The following PCDH17 variants were observed in gnomAD, a reference collection of about 807,000 sequenced individuals.
PCDH17 encodes protocadherin 17, also known as protocadherin-17.
Under a neutral mutation model 67.7 loss-of-function variants are expected in PCDH17, and 21 were observed. That is an observed-to-expected ratio of 0.31 (90% confidence interval 0.22 to 0.45). The LOEUF (loss-of-function observed/expected upper bound fraction) is 0.45, where lower values mean the gene tolerates loss of function less well. Ranked by LOEUF, PCDH17 falls within the 20% of genes least tolerant of loss-of-function variation. PCDH17 has a pLI of 1.00. For synonymous variants in PCDH17, 701 were observed against 656.7 expected (o/e 1.07, Z -1.03); for missense variants, 1,471 against 1,564.8 (o/e 0.94, Z 1.01).
In PCDH17 at chr13:57,687,942, C is replaced by G. The variant is rs187763118; in HGVS notation, c.2797+21109C>G. ...TTCAAACATTTTCAGGATAGTTGGA[C>G]TCCTGTGAGACAATTTAGTCTAGAT... On this transcript the variant is annotated intron_variant, in intron 3 of 3. Coordinates refer to ENST00000377918, the MANE Select transcript of PCDH17 (RefSeq NM_001040429.3). Among the ~76,000 whole-genome samples the G allele has an allele frequency of 2.1e-3, 316 of 152,132 alleles. 3 individuals carry two copies. Among genetic ancestry groups the G allele is most frequent in the African/African-American group, 7.5e-3 (312 of 41,552 alleles).
At chr13:57,679,701 G>T (rs549037778) in intron 3 of PCDH17, among the ~76,000 whole-genome samples, 1 of 151,166 alleles carries the variant, frequency 6.6e-6, no homozygotes, top group Admixed American at 6.6e-5. Context: ...TTGAATTACC[G>T]TGTTCATTAC....
At chr13:57,709,109 A>AT (rs1955749472) in intron 3 of PCDH17, among the ~76,000 whole-genome samples, 1 of 135,980 alleles carries the variant, frequency 7.4e-6, no homozygotes, top group East Asian at 2.8e-4. Flanking sequence ...TATATGTATA[A>AT]AATATATATA....
intron 3 of PCDH17, among the ~76,000 whole-genome samples, chr13:57,682,958 A>G (rs1304855513): frequency 6.6e-6 from 1 of 151,904 alleles, no homozygotes; most frequent in African/African-American, 2.4e-5. Context: ...AACTTACCTC[A>G]GGGAACATAC....
chr13:57,684,326 A>G (rs886372192), intron 3 of PCDH17, among the ~76,000 whole-genome samples: 1 of 151,946 alleles, frequency 6.6e-6, no homozygotes, highest in Non-Finnish European at 1.5e-5. Context: ...ACATTCACAT[A>G]TATATAAACA....
chr13:57,685,826 C>T (rs2138054731), intron 3 of PCDH17, among the ~76,000 whole-genome samples: 1 of 152,082 alleles, frequency 6.6e-6, no homozygotes, highest in East Asian at 2.0e-4. Context: ...TGGCTTTTGC[C>T]TGTAATCCCA....
Position 57,633,964 on chromosome 13 carries a change from C to A in PCDH17, c.1418C>A (p.Thr473Asn), listed in dbSNP as rs201009234. 1 of 1,613,636 alleles carries A rather than the reference C, an allele frequency of 6.2e-7. No individual in the cohort carries two copies. Reference protein sequence around the residue: ...LDENDNPPRFTKGLYVLQVHE... With the variant: ...LDENDNPPRFNKGLYVLQVHE... The stretch of plus-strand genomic sequence containing the variant: ...GAGAACGACAACCCGCCTCGGTTCA[C>A]CAAAGGGCTCTACGTGCTTCAGGTG... The change falls in exon 1 of 4, where the codon ACC becomes AAC. Residue 473 changes from threonine (T) to asparagine (N), a missense_variant. This residue lies in a region of PCDH17 where 1,163 missense variants were observed against 1,230.0 expected (regional missense o/e 0.95). Transcript: ENST00000377918. The surrounding 1 kb of genome is among the most constrained non-coding windows in gnomAD (Gnocchi z 6.2).
At chr13:57,657,524 A>G (rs534131961) in intron 1 of PCDH17, among the ~76,000 whole-genome samples, 38 of 152,314 alleles carry the variant, frequency 2.5e-4, no homozygotes, top group African/African-American at 8.4e-4. Flanking sequence ...AGAAAGAACC[A>G]CACCATATAT....
intron 3 of PCDH17, among the ~76,000 whole-genome samples, chr13:57,698,970 G>C (rs61961901): frequency 0.063 from 9,637 of 151,956 alleles, 341 homozygotes; most frequent in Middle Eastern, 0.099. Context: ...TCTTTTTTCA[G>C]CCACTCTGAT....
chr13:57,662,457 T>C (rs1276992128), intron 1 of PCDH17, among the ~76,000 whole-genome samples: 1 of 152,166 alleles, frequency 6.6e-6, no homozygotes, highest in East Asian at 1.9e-4. Context: ...ATCCTATACA[T>C]TTTAAAAAAT....
rs534680573 is a variant in PCDH17 at position 57,659,677 on chromosome 13, T to C, written c.2566-6791T>C. ...CAGAGGCTAACCGTTTTGTATTACATGTTTTTTAAGTTTTTACAAAGTATG... is the reference window on the plus strand; with the variant it reads ...CAGAGGCTAACCGTTTTGTATTACACGTTTTTTAAGTTTTTACAAAGTATG... On this transcript the variant is annotated intron_variant, in intron 1 of 3. Transcript: ENST00000377918. Among the ~76,000 whole-genome samples, 32 of 152,318 alleles carry C rather than the reference T, an allele frequency of 2.1e-4. No individual in the cohort carries two copies. In the South Asian group the frequency reaches 6.4e-3, roughly 31 times the overall value.
intron 3 of PCDH17, among the ~76,000 whole-genome samples, chr13:57,681,764 C>T (rs973730752): frequency 4.0e-5 from 6 of 151,774 alleles, no homozygotes; most frequent in African/African-American, 1.4e-4. Context: ...TCTATCTCCC[C>T]ATTCAGTGCC....
chr13:57,656,971 A>T (rs1435584540), intron 1 of PCDH17, among the ~76,000 whole-genome samples: 1 of 152,156 alleles, frequency 6.6e-6, no homozygotes, highest in African/African-American at 2.4e-5. Context: ...TCTCTATTTT[A>T]TGCGCTTTCA....
chr13:57,679,116 A>T (rs1363969194), intron 3 of PCDH17, among the ~76,000 whole-genome samples: 1 of 151,528 alleles, frequency 6.6e-6, no homozygotes, highest in Non-Finnish European at 1.5e-5. Context: ...TCACCAAAAA[A>T]GTAACAAAGT....
chr13:57,695,864 G>T (rs74079932), intron 3 of PCDH17, among the ~76,000 whole-genome samples: 283 of 151,454 alleles, frequency 1.9e-3, no homozygotes, highest in African/African-American at 6.4e-3. Context: ...TCTTGTAATT[G>T]AAAGTCTCTG....
At chr13:57,676,943 C>A (rs570367724) in intron 3 of PCDH17, among the ~76,000 whole-genome samples, 1 of 151,970 alleles carries the variant, frequency 6.6e-6, no homozygotes. Context: ...CAATGTATAA[C>A]TTTTCAAGCT....
In PCDH17 at chr13:57,634,632, A is replaced by G. The variant is rs1303843410; in HGVS notation, c.2086A>G (p.Asn696Asp). ...CCTTCCCGAGGGGGTACCACGGGTG[A>G]ATGGCGAGCAGCACCACTGGGACAT... Reference protein sequence around the residue: ...GSLPEGVPRVNGEQHHWDMSL... With the variant: ...GSLPEGVPRVDGEQHHWDMSL... The change falls in exon 1 of 4, where the codon AAT (asparagine) becomes GAT (aspartate). Residue 696 changes from asparagine (N) to aspartate (D), a missense_variant. By Grantham distance (23) the Asn-to-Asp change is conservative. Coordinates refer to ENST00000377918, the MANE Select transcript of PCDH17 (RefSeq NM_001040429.3). The surrounding 1 kb of genome is among the most constrained non-coding windows in gnomAD (Gnocchi z 7.8). The G allele has an allele frequency of 1.9e-6, 3 of 1,613,258 alleles. No individual in the cohort carries two copies. The highest frequency in any genetic ancestry group is 2.5e-6 in the Non-Finnish European group (3 of 1,179,990).
upstream of PCDH17, among the ~76,000 whole-genome samples, chr13:57,631,638 C>G (rs1954721709): frequency 6.6e-6 from 1 of 152,166 alleles, no homozygotes; most frequent in African/African-American, 2.4e-5. Context: ...AAATGCTGAT[C>G]AGGCTGTGGC....
At chr13:57,630,660 G>A (rs74936267), upstream of PCDH17, among the ~76,000 whole-genome samples, 2 of 152,218 alleles carry the variant, frequency 1.3e-5, no homozygotes, top group Non-Finnish European at 2.9e-5. Flanking sequence ...TAGAGTAAAA[G>A]TGCTGCTAGA....
At chr13:57,636,765 C>A (rs1252560903) in intron 1 of PCDH17, among the ~76,000 whole-genome samples, 1 of 152,114 alleles carries the variant, frequency 6.6e-6, no homozygotes, top group Admixed American at 6.5e-5. Flanking sequence ...TTGCTACAGT[C>A]ATTTTATAAA....
Sources: allele counts gnomAD v4.1 joint callset (sites outside exome capture counted in the v4.1 genomes callset), GRCh38; gene constraint gnomAD v4.1.1; regional missense constraint gnomAD v4.1.1; non-coding constraint Gnocchi (gnomAD v3.1); transcripts MANE v1.5; gene names NCBI Gene and HGNC (gene_info 2026-07-23, HGNC 2026-07-21).